Variants in SLC22A23 observed in about 807,000 individuals in gnomAD.
SLC22A23 encodes solute carrier family 22 member 23.
A neutral mutation model predicts 61.0 loss-of-function variants in SLC22A23; 26 were observed. The observed-to-expected ratio is 0.43, with a 90% CI of 0.31 to 0.59. SLC22A23 has a LOEUF of 0.59. Ranked by LOEUF, SLC22A23 falls within the 20% of genes least tolerant of loss-of-function variation. SLC22A23 has a pLI of 0.11. For missense variants in SLC22A23, 796 were observed against 934.7 expected, an observed-to-expected ratio of 0.85 and a Z score of 1.94; for synonymous variants, 430 against 413.9, an observed-to-expected ratio of 1.04 and a Z score of -0.47.
intron 3 of SLC22A23, among the ~76,000 whole-genome samples, chr6:3,375,474 T>A (rs1440565948): frequency 1.3e-5 from 2 of 152,232 alleles, no homozygotes. Flanking sequence ...ATGGTAGTGG[T>A]GCACTACAGT....
At chr6:3,290,680 A>C (rs1052020834) in intron 5 of SLC22A23, 1 of 152,638 alleles carries the variant, frequency 6.6e-6, no homozygotes, top group Non-Finnish European at 1.5e-5. Flanking sequence ...GGGTCTGCAG[A>C]GGTGCTGGTG....
chr6:3,309,739 T>C lies in SLC22A23; in HGVS notation c.1083-11521A>G, dbSNP rs971730985. ...ACCACGGTCACACAGAAGTACCTGC[T>C]GCCACAGGGATGGCTCTCCAATCAC... is the stretch of plus-strand genomic sequence containing the variant. On this transcript the variant is annotated intron_variant, in intron 4 of 9. Coordinates refer to ENST00000406686, the MANE Select transcript of SLC22A23 (RefSeq NM_015482.2). The surrounding 1 kb of genome is among the most constrained non-coding windows in gnomAD (Gnocchi z 4.7). 1.3e-5 allele frequency among the ~76,000 whole-genome samples: 2 copies of C among 152,212 alleles called. No homozygotes were observed. The highest frequency in any genetic ancestry group is 2.9e-5 in the Non-Finnish European group (2 of 68,032).
In SLC22A23 at chr6:3,455,567, C is replaced by A. The variant is rs1394465316; in HGVS notation, c.654+339G>T. On this transcript the variant is annotated intron_variant, in intron 1 of 9. Transcript: ENST00000406686. ...AGCCGGGCAGAACAGGGCTGTGGTC[C>A]CGACTCCCCCAGCAGACCTTGAACG... Among the ~76,000 whole-genome samples, 2 of 152,190 alleles carry A rather than the reference C, an allele frequency of 1.3e-5. 1 individual carries two copies. Among genetic ancestry groups the A allele is most frequent in the East Asian group, 3.9e-4 (2 of 5,190 alleles).
chr6:3,304,282 C>T lies in SLC22A23; in HGVS notation c.1083-6064G>A, dbSNP rs909933946. On this transcript the variant is annotated intron_variant, in intron 4 of 9. Transcript: ENST00000406686. This position sits in a 1 kb window ranked among gnomAD's most constrained non-coding sequence, Gnocchi z 4.3. ...GTGATCACTCCCTCATCTTTGTCATCCTCCAATTGGGTCTAAAGGCAACAC... is the reference window on the plus strand; with the variant it reads ...GTGATCACTCCCTCATCTTTGTCATTCTCCAATTGGGTCTAAAGGCAACAC... Among the ~76,000 whole-genome samples the T allele has an allele frequency of 2.9e-4, 44 of 152,282 alleles. No homozygotes were observed. Among genetic ancestry groups the T allele is most frequent in the African/African-American group, 1.1e-3 (44 of 41,556 alleles).
intron 3 of SLC22A23, among the ~76,000 whole-genome samples, chr6:3,341,647 G>A (rs1449627167): frequency 6.6e-6 from 1 of 152,176 alleles, no homozygotes; most frequent in East Asian, 1.9e-4. Flanking sequence ...TAAGTGTTCA[G>A]CCAGCACTTC....
chr6:3,444,938 C>T lies in SLC22A23; in HGVS notation c.654+10968G>A, dbSNP rs193239409. ...CTCCCCCCTCAAAGTGCTTCTCAGA[C>T]GACTCATCCCGGTCGTCCTCACCCC... On this transcript the variant is annotated intron_variant, in intron 1 of 9. Transcript: ENST00000406686. 162 of 985,502 alleles carry T rather than the reference C, an allele frequency of 1.6e-4. 1 individual carries two copies. In the African/African-American group the frequency reaches 1.9e-3, roughly 11 times the overall value. The allele number at this position is 985,502 out of a possible 1,614,324, so 61.0% of individuals were successfully genotyped here. A position where few individuals can be genotyped will look rare whatever the true frequency, so the allele number is the denominator to read the frequency against.
At chr6:3,361,664 G>A (rs6916674) in intron 3 of SLC22A23, among the ~76,000 whole-genome samples, 50,096 of 152,094 alleles carry the variant, frequency 0.33, 8,477 homozygotes, top group Middle Eastern at 0.4. Flanking sequence ...ATTCAGACTC[G>A]AAAGCCCAGT....
chr6:3,396,204 C>T (rs1318375727), intron 3 of SLC22A23, among the ~76,000 whole-genome samples: 1 of 152,204 alleles, frequency 6.6e-6, no homozygotes, highest in Non-Finnish European at 1.5e-5. Context: ...TCCATCCCCA[C>T]AGACCTAGGT....
At chr6:3,278,564 C>G (rs1444017827) in intron 9 of SLC22A23, among the ~76,000 whole-genome samples, 1 of 152,220 alleles carries the variant, frequency 6.6e-6, no homozygotes. Flanking sequence ...CAGGCACGTG[C>G]TGTTTGTGCT....
In SLC22A23 at chr6:3,343,946, G is replaced by A. The variant is rs181871808; in HGVS notation, c.914-19944C>T. On this transcript the variant is annotated intron_variant, in intron 3 of 9. Coordinates refer to ENST00000406686, the MANE Select transcript of SLC22A23 (RefSeq NM_015482.2). ...CTCAAGTAAATTTTAGATTCGATTCGCTTATTCCTAAGTTAGAAAATATTT... is the reference window on the plus strand; with the variant it reads ...CTCAAGTAAATTTTAGATTCGATTCACTTATTCCTAAGTTAGAAAATATTT... Among the ~76,000 whole-genome samples, 6 of 152,248 alleles carry A rather than the reference G, an allele frequency of 3.9e-5. No individual in the cohort carries two copies. The East Asian group carries it at 7.7e-4, about 20-fold the overall frequency.
chr6:3,305,179 A>C (rs925511885), intron 4 of SLC22A23, among the ~76,000 whole-genome samples: 6 of 152,138 alleles, frequency 3.9e-5, no homozygotes. Context: ...AATTAACCCC[A>C]TCTTACAGAT....
At chr6:3,423,922 A>G (rs1020716599) in intron 1 of SLC22A23, among the ~76,000 whole-genome samples, 7 of 152,124 alleles carry the variant, frequency 4.6e-5, no homozygotes, top group African/African-American at 1.7e-4. Flanking sequence ...GAAGACTGTA[A>G]CGACCCAGGT....
rs72844619 is a variant in SLC22A23, at chr6:3,387,926, C to T, written c.913+22262G>A. ...CAGTCTGTGCCACGGCATCTCCTTT[C>T]GGTGGAATTCGTGCTGTTCCTGCTG... On this transcript the variant is annotated intron_variant, in intron 3 of 9. Coordinates refer to ENST00000406686, the MANE Select transcript of SLC22A23 (RefSeq NM_015482.2). The surrounding 1 kb of genome is among the most constrained non-coding windows in gnomAD (Gnocchi z 5.0). Among the ~76,000 whole-genome samples, 3,128 of 152,258 alleles carry T rather than the reference C, an allele frequency of 0.021. 44 individuals are homozygous for T. Among genetic ancestry groups the T allele is most frequent in the Non-Finnish European group, 0.034 (2,342 of 68,018 alleles).
At chr6:3,424,505 C>T (rs904668511) in intron 1 of SLC22A23, among the ~76,000 whole-genome samples, 1 of 152,234 alleles carries the variant, frequency 6.6e-6, no homozygotes, top group African/African-American at 2.4e-5. Flanking sequence ...AAATGCTTCT[C>T]TATTTCTATA....
In SLC22A23 at chr6:3,372,596, T is replaced by G. The variant is rs1045575878; in HGVS notation, c.913+37592A>C. 2.0e-5 allele frequency among the ~76,000 whole-genome samples: 3 copies of G among 152,172 alleles called. No individual in the cohort carries two copies. The South Asian group carries it at 6.2e-4, about 32-fold the overall frequency. ...TGGCGTGGCCTGAGGAAACCGTGGC[T>G]TCCCCCCATGTCTCATGCACAGGGC... On this transcript the variant is annotated intron_variant, in intron 3 of 9. Transcript: ENST00000406686. The surrounding 1 kb of genome is among the most constrained non-coding windows in gnomAD (Gnocchi z 4.7).
chr6:3,415,785 A>C lies in SLC22A23; in HGVS notation c.725T>G (p.Phe242Cys). 1 of 1,551,974 alleles carries C rather than the reference A, an allele frequency of 6.4e-7. No individual in the cohort carries two copies. The highest frequency in any genetic ancestry group is 1.2e-5 in the South Asian group (1 of 84,058). ...AKFSLLVGLIFGYLITGCIAD... is the reference protein window; with the variant it reads ...AKFSLLVGLICGYLITGCIAD... The stretch of plus-strand genomic sequence containing the variant: ...AATGCATCCAGTTATTAGGTAGCCA[A>C]AGATTAATCCAACCAGTAAGGAGAA... The change falls in exon 2 of 10, where the codon TTT becomes TGT. Residue 242 changes from phenylalanine (F) to cysteine (C), a missense_variant. Phe to Cys is a radical substitution (Grantham distance 205). Coordinates refer to ENST00000406686, the MANE Select transcript of SLC22A23 (RefSeq NM_015482.2).
intron 3 of SLC22A23, among the ~76,000 whole-genome samples, chr6:3,385,087 G>C (rs764491730): frequency 2.6e-4 from 39 of 152,196 alleles, no homozygotes; most frequent in Non-Finnish European, 4.3e-4. Context: ...GGGGAGAGGA[G>C]GGAGAATGGG....
At chr6:3,377,396 A>C (rs1486582854) in intron 3 of SLC22A23, among the ~76,000 whole-genome samples, 1 of 152,166 alleles carries the variant, frequency 6.6e-6, no homozygotes, top group Non-Finnish European at 1.5e-5. Flanking sequence ...CTGGATGGAA[A>C]GCAGTGGGAT....
intron 3 of SLC22A23, among the ~76,000 whole-genome samples, chr6:3,392,372 T>A (rs1767719604): frequency 1.3e-5 from 2 of 152,256 alleles, no homozygotes; most frequent in South Asian, 4.1e-4. Flanking sequence ...TTTGTTTAAA[T>A]CCCTGTTGTT....
Sources: gnomAD v4.1 joint callset for allele counts (sites outside exome capture counted in the v4.1 genomes callset) on GRCh38, gnomAD v4.1.1 for gene constraint, Gnocchi (gnomAD v3.1) non-coding constraint, MANE v1.5 for transcripts, NCBI Gene and HGNC (gene_info 2026-07-23, HGNC 2026-07-21) for gene names.